Variants in SULT1C4 observed in about 807,000 individuals in gnomAD.
SULT1C4 encodes the protein sulfotransferase family 1C member 4.
Under a neutral mutation model 34.8 loss-of-function variants are expected in SULT1C4, and 32 were observed. The observed-to-expected ratio is 0.92, with a 90% CI of 0.69 to 1.23. The LOEUF (loss-of-function observed/expected upper bound fraction) is 1.23, where lower values mean the gene tolerates loss of function less well. Among genes scored for constraint, SULT1C4 ranks in the 50% most tolerant of loss-of-function variants. The pLI is 0.00. For missense variants in SULT1C4, 375 were observed against 365.9 expected (o/e 1.02, Z -0.20); for synonymous variants, 111 against 120.5 (o/e 0.92, Z 0.51).
At chr2:108,384,956 T>C (rs1430444726) in intron 5 of SULT1C4, among the ~76,000 whole-genome samples, 1 of 152,240 alleles carries the variant, frequency 6.6e-6, no homozygotes, top group Non-Finnish European at 1.5e-5. Context: ...ACCATTTAGA[T>C]GCACTTCTCT....
chr2:108,386,916 CTTA>C (rs1248666438), intron 6 of SULT1C4, among the ~76,000 whole-genome samples: 1 of 152,134 alleles, frequency 6.6e-6, no homozygotes, highest in African/African-American at 2.4e-5. Context: ...GGGGGGAGGT[CTTA>C]TTTTTTCTTC....
chr2:108,385,252 G>A (rs1245198082), intron 5 of SULT1C4, among the ~76,000 whole-genome samples: 1 of 152,228 alleles, frequency 6.6e-6, no homozygotes, highest in Non-Finnish European at 1.5e-5. Flanking sequence ...CCATGTCAGA[G>A]AAAGGATATG....
At chr2:108,383,608 C>A (rs77321543) in intron 5 of SULT1C4, 98 bp downstream of exon 5, 7 of 1,048,458 alleles carry the variant, frequency 6.7e-6, no homozygotes, top group African/African-American at 3.2e-5. Flanking sequence ...TGCGGGGAAC[C>A]GAAAATTGCT....
chr2:108,382,325 A>T (rs1678425867), intron 2 of SULT1C4, 60 bp from the exon 3 acceptor site: 2 of 1,334,002 alleles, frequency 1.5e-6, no homozygotes, highest in South Asian at 1.2e-5. Context: ...AAGCAGCAAG[A>T]CTTGGAAGCA....
At chr2:108,382,290 C>A in intron 2 of SULT1C4, 95 bp from the exon 3 acceptor site, 1 of 949,234 alleles carries the variant, frequency 1.1e-6, no homozygotes, top group Non-Finnish European at 1.7e-6. Flanking sequence ...CTTATAGATG[C>A]TTTGAATTGT....
rs138859066 is a variant in SULT1C4, at chr2:108,386,323, G to A, written c.747G>A (p.Ser249=). 16 of 1,571,076 alleles carry A rather than the reference G, an allele frequency of 1.0e-5. No individual in the cohort carries two copies. Among genetic ancestry groups the A allele is most frequent in the African/African-American group, 2.7e-5 (2 of 73,690 alleles). Residue 249 remains serine (S), a synonymous_variant, in exon 6 of 7, where the codon TCG becomes TCA. Coordinates refer to ENST00000272452, the MANE Select transcript of SULT1C4 (RefSeq NM_006588.4). ...MKQNPMANYS[S]IPAEIMDHSI... ...AGAATCCAATGGCAAACTATTCATC[G>A]ATTCCTGCTGAAATCATGGACCACT...
intron 1 of SULT1C4, among the ~76,000 whole-genome samples, 196 bp from the exon 2 acceptor site, chr2:108,381,566 C>T (rs988083421): frequency 3.3e-5 from 5 of 151,946 alleles, no homozygotes; most frequent in South Asian, 2.1e-4. Context: ...GCGAGAGGAT[C>T]GCTTGAACCC....
At chr2:108,380,298 G>A (rs540320297) in intron 1 of SULT1C4, among the ~76,000 whole-genome samples, 14 of 152,206 alleles carry the variant, frequency 9.2e-5, no homozygotes, top group Non-Finnish European at 1.6e-4. Flanking sequence ...GGGATCTTTT[G>A]AGGCTAGAAG....
At chr2:108,384,809 C>G (rs1678527003) in intron 5 of SULT1C4, among the ~76,000 whole-genome samples, 1 of 152,170 alleles carries the variant, frequency 6.6e-6, no homozygotes, top group African/African-American at 2.4e-5. Context: ...ATTACAGTGT[C>G]TGTTCTTGAA....
rs1202365786 is a variant in SULT1C4 at position 108,378,383 on chromosome 2, C to T, written c.46C>T (p.Arg16Cys). Residue 16 changes from arginine (R) to cysteine (C), a missense_variant, in exon 1 of 7, where the codon CGC (arginine) becomes TGC (cysteine). Coordinates refer to ENST00000272452, the MANE Select transcript of SULT1C4 (RefSeq NM_006588.4). ...MEDFTFDGTK[R>C]LSVNYVKGIL... ...GGATTTTACATTTGATGGAACAAAG[C>T]GCTTAAGTGTCAACTACGTGAAGGG... 5.0e-6 allele frequency: 8 copies of T among 1,614,006 alleles called. No individual in the cohort carries two copies. The highest frequency in any genetic ancestry group is 3.3e-5 in the Admixed American group (2 of 59,996).
intron 1 of SULT1C4, among the ~76,000 whole-genome samples, chr2:108,380,640 T>A (rs1678362241): frequency 6.6e-6 from 1 of 152,208 alleles, no homozygotes; most frequent in South Asian, 2.1e-4. Context: ...TAGCACAATA[T>A]CACTGTATCA....
chr2:108,388,783 C>T lies in SULT1C4; in HGVS notation c.*1351C>T, dbSNP rs1280178756. On this transcript the variant is annotated 3_prime_UTR_variant, in exon 7 of 7. Transcript: ENST00000272452. ...CCTAGTCACATCTTACCACTTCCTA[C>T]CCTCCCAGTTTTATTTATACCAAGC... is the stretch of plus-strand genomic sequence containing the variant. 1.3e-5 allele frequency among the ~76,000 whole-genome samples: 2 copies of T among 152,110 alleles called. No homozygotes were observed. Among genetic ancestry groups the T allele is most frequent in the Non-Finnish European group, 2.9e-5 (2 of 68,020 alleles).
chr2:108,381,373 A>C (rs944166268), intron 1 of SULT1C4, among the ~76,000 whole-genome samples: 4 of 152,142 alleles, frequency 2.6e-5, no homozygotes, highest in Non-Finnish European at 5.9e-5. Context: ...ATGGTGGCTC[A>C]CACCTATAAT....
chr2:108,380,375 C>T (rs1678354319), intron 1 of SULT1C4, among the ~76,000 whole-genome samples: 2 of 151,968 alleles, frequency 1.3e-5, no homozygotes, highest in Admixed American at 6.6e-5. Flanking sequence ...ATTAGCCAGG[C>T]ATGGTGGTGT....
At chr2:108,384,837 T>C (rs1678527419) in intron 5 of SULT1C4, among the ~76,000 whole-genome samples, 1 of 152,178 alleles carries the variant, frequency 6.6e-6, no homozygotes, top group South Asian at 2.1e-4. Flanking sequence ...TTGAAAGCCT[T>C]GATACTCAAC....
rs1678292860 is a variant in SULT1C4, at chr2:108,378,178, A to G, written c.-160A>G. ...CTGGAACCTGAGTCGGGAGGCCTGC[A>G]ACTCACTTTCTCCCTGTTTGCTGGC... On this transcript the variant is annotated 5_prime_UTR_variant, in exon 1 of 7. Coordinates refer to ENST00000272452, the MANE Select transcript of SULT1C4 (RefSeq NM_006588.4). The G allele has an allele frequency of 5.0e-6, 3 of 597,966 alleles. No individual in the cohort carries two copies. The highest frequency in any genetic ancestry group is 8.4e-6 in the Non-Finnish European group (3 of 356,786). The allele number at this position is 597,966 out of a possible 1,614,324, so 37.0% of individuals were successfully genotyped here.
intron 5 of SULT1C4, among the ~76,000 whole-genome samples, chr2:108,384,511 G>A (rs774883395): frequency 7.2e-4 from 109 of 152,336 alleles, no homozygotes; most frequent in Non-Finnish European, 6.6e-4. Context: ...ACAGGCGTGA[G>A]CCACCACGCC....
chr2:108,383,760 T>C (rs893269066), intron 5 of SULT1C4, among the ~76,000 whole-genome samples: 1 of 152,218 alleles, frequency 6.6e-6, no homozygotes, highest in Non-Finnish European at 1.5e-5. Context: ...TTACACAATA[T>C]GGATGGTGTC....
intron 6 of SULT1C4, 48 bp from the exon 7 acceptor site, chr2:108,387,272 A>AGACT: frequency 7.2e-7 from 1 of 1,398,596 alleles, no homozygotes; most frequent in Non-Finnish European, 1.0e-6. Context: ...AGGGAAGCAC[A>AGACT]GACTCTTCCA....
Sources: allele counts gnomAD v4.1 joint callset (sites outside exome capture counted in the v4.1 genomes callset), GRCh38; gene constraint gnomAD v4.1.1; transcripts MANE v1.5; gene names NCBI Gene and HGNC (gene_info 2026-07-23, HGNC 2026-07-21).